Variants in PILRA observed in about 807,000 individuals in gnomAD.
PILRA encodes the protein paired immunoglobin like type 2 receptor alpha.
PILRA carries 37 observed loss-of-function variants against 33.1 expected under a neutral mutation model. The observed-to-expected ratio is 1.12, with a 90% CI of 0.86 to 1.47. PILRA has a LOEUF of 1.47. Among genes scored for constraint, PILRA ranks in the 40% most tolerant of loss-of-function variants. The pLI is 0.00. For missense variants in PILRA, 312 were observed against 376.2 expected (o/e 0.83, Z 1.41); for synonymous variants, 146 against 149.9 (o/e 0.97, Z 0.19).
intron 2 of PILRA, among the ~76,000 whole-genome samples, chr7:100,383,798 G>A (rs576329386): frequency 6.6e-6 from 1 of 152,020 alleles, no homozygotes; most frequent in East Asian, 1.9e-4. Context: ...CACCACACCC[G>A]GCTAATTTTT....
At chr7:100,372,312 C>G (rs1225768055), upstream of PILRA, among the ~76,000 whole-genome samples, 1 of 152,086 alleles carries the variant, frequency 6.6e-6, no homozygotes, top group Non-Finnish European at 1.5e-5. Context: ...GAGGGCGGGC[C>G]GGCCTGGCTG....
chr7:100,385,382 A>G (rs925460210), intron 2 of PILRA, among the ~76,000 whole-genome samples: 1 of 152,218 alleles, frequency 6.6e-6, no homozygotes, highest in Admixed American at 6.5e-5. Context: ...AAAAACTAAT[A>G]AAAGTACTGG....
At chr7:100,373,229 C>T (rs1790859127), upstream of PILRA, among the ~76,000 whole-genome samples, 1 of 152,156 alleles carries the variant, frequency 6.6e-6, no homozygotes, top group South Asian at 2.1e-4. Flanking sequence ...TGCCTTTCCT[C>T]TCCCTGAAAG....
chr7:100,382,659 C>G (rs1394827429), intron 2 of PILRA, among the ~76,000 whole-genome samples: 2 of 152,190 alleles, frequency 1.3e-5, no homozygotes, highest in African/African-American at 4.8e-5. Context: ...AGGCTGCCCC[C>G]CTGAGCAGTA....
At position 100,374,377 on chromosome 7, in the gene PILRA, G is replaced by C. The variant is rs556203759; in HGVS notation, c.398G>C (p.Ser133Thr). ...TGCCGAGTTGAGCTGGACACACGGAGCTCAGGGAGGCAGCAGTGGCAGTCC... is the reference window on the plus strand; with the variant it reads ...TGCCGAGTTGAGCTGGACACACGGACCTCAGGGAGGCAGCAGTGGCAGTCC... ...YFCRVELDTR[S>T]SGRQQWQSIE... The change falls in exon 2 of 7, where the codon AGC becomes ACC. Residue 133 changes from serine to threonine, a missense_variant. By Grantham distance (58) the Ser-to-Thr change is moderately conservative. Transcript: ENST00000198536. The C allele has an allele frequency of 1.9e-6, 3 of 1,613,972 alleles. No homozygotes were observed. The Admixed American group carries it at 5.0e-5, about 27-fold the overall frequency.
chr7:100,386,255 T>C (rs2130201462), intron 2 of PILRA, among the ~76,000 whole-genome samples: 1 of 152,304 alleles, frequency 6.6e-6, no homozygotes, highest in South Asian at 2.1e-4. Context: ...CAGGGCTAAC[T>C]CCTAGTCATT....
At chr7:100,398,352 C>A (rs60112004) in intron 4 of PILRA, among the ~76,000 whole-genome samples, 1 of 152,198 alleles carries the variant, frequency 6.6e-6, no homozygotes, top group African/African-American at 2.4e-5. Flanking sequence ...CTCCTCTCCC[C>A]GCCTGTGTTT....
intron 2 of PILRA, among the ~76,000 whole-genome samples, chr7:100,380,613 T>C (rs1459254790): frequency 2.0e-5 from 3 of 151,988 alleles, no homozygotes; most frequent in Non-Finnish European, 2.9e-5. Context: ...CTGGGCAACA[T>C]AGCAAGAATC....
intron 2 of PILRA, among the ~76,000 whole-genome samples, chr7:100,386,993 T>C (rs1049880856): frequency 1.3e-5 from 2 of 152,232 alleles, no homozygotes; most frequent in African/African-American, 4.8e-5. Flanking sequence ...GAATTTCTTT[T>C]TAAAACTTCC....
In PILRA at chr7:100,399,991, G is replaced by A. The variant is rs904608891; in HGVS notation, c.*84G>A. ...TAATCCCAGCTACTCTGAAGCCTGA[G>A]GCAGAATCAAGTGAGCCCAGGAGTT... On this transcript the variant is annotated 3_prime_UTR_variant, in exon 7 of 7. Coordinates refer to ENST00000198536, the MANE Select transcript of PILRA (RefSeq NM_013439.3). The A allele has an allele frequency of 1.4e-6, 2 of 1,396,222 alleles. No homozygotes were observed. Among genetic ancestry groups the A allele is most frequent in the Non-Finnish European group, 1.9e-6 (2 of 1,057,490 alleles). 86.5% of individuals were successfully genotyped at this position (1,396,222 alleles called of 1,614,324 possible).
At chr7:100,377,406 A>G (rs1790979476) in intron 2 of PILRA, among the ~76,000 whole-genome samples, 1 of 151,040 alleles carries the variant, frequency 6.6e-6, no homozygotes, top group South Asian at 2.1e-4. Context: ...GTGCCCGACT[A>G]ATTTTTTTGT....
At chr7:100,394,965 T>C (rs1233078084) in intron 3 of PILRA, among the ~76,000 whole-genome samples, 4 of 152,132 alleles carry the variant, frequency 2.6e-5, no homozygotes, top group South Asian at 2.1e-4. Flanking sequence ...AATAGACAAA[T>C]AGGACAACAT....
chr7:100,383,727 C>A (rs922803438), intron 2 of PILRA, among the ~76,000 whole-genome samples: 1 of 151,878 alleles, frequency 6.6e-6, no homozygotes. Flanking sequence ...CCTCTTGCCT[C>A]CTGGGTTCAA....
At chr7:100,383,821 G>A (rs1356890156) in intron 2 of PILRA, among the ~76,000 whole-genome samples, 2 of 152,006 alleles carry the variant, frequency 1.3e-5, no homozygotes, top group Non-Finnish European at 2.9e-5. Context: ...GTTTTTAGTA[G>A]AGACAGGGTT....
chr7:100,391,620 G>A (rs987508768), intron 3 of PILRA, among the ~76,000 whole-genome samples: 1 of 152,218 alleles, frequency 6.6e-6, no homozygotes, highest in Admixed American at 6.5e-5. Flanking sequence ...CTGGGAGGTC[G>A]AGGCTGCAGT....
intron 2 of PILRA, among the ~76,000 whole-genome samples, chr7:100,381,628 G>A (rs556741476): frequency 1.3e-5 from 2 of 152,222 alleles, no homozygotes; most frequent in Admixed American, 1.3e-4. Context: ...CACTCTGGCC[G>A]CACTTGAAGA....
intron 2 of PILRA, among the ~76,000 whole-genome samples, chr7:100,386,306 A>G (rs1563119500): frequency 6.6e-6 from 1 of 152,182 alleles, no homozygotes; most frequent in Non-Finnish European, 1.5e-5. Flanking sequence ...GGCCGCATGC[A>G]TCCCATGGTA....
At chr7:100,392,184 C>A (rs1239029448) in intron 3 of PILRA, among the ~76,000 whole-genome samples, 1 of 152,180 alleles carries the variant, frequency 6.6e-6, no homozygotes, top group Non-Finnish European at 1.5e-5. Flanking sequence ...TGGTACGCAC[C>A]TGTAGTTCCA....
intron 3 of PILRA, 97 bp from the exon 4 acceptor site, chr7:100,397,782 T>C: frequency 1.5e-6 from 2 of 1,324,676 alleles, no homozygotes; most frequent in East Asian, 2.3e-5. Context: ...CTCCGGTCCC[T>C]CTAAGGAGGG....
Sources: allele counts gnomAD v4.1 joint callset (sites outside exome capture counted in the v4.1 genomes callset), GRCh38; gene constraint gnomAD v4.1.1; transcripts MANE v1.5; gene names NCBI Gene and HGNC (gene_info 2026-07-23, HGNC 2026-07-21).